Variants in ASIC2 observed in about 807,000 individuals in gnomAD.
ASIC2 encodes the protein acid sensing ion channel subunit 2.
A neutral mutation model predicts 57.3 loss-of-function variants in ASIC2; 25 were observed. That is an observed-to-expected ratio of 0.44 (90% CI 0.32 to 0.61). The LOEUF is 0.61. Ranked by LOEUF, ASIC2 falls within the 20% of genes least tolerant of loss-of-function variation. The probability of loss-of-function intolerance (pLI) is 0.06; values close to 1 mark genes in which losing one functional copy is unlikely to be tolerated. For missense variants in ASIC2, 641 were observed against 738.1 expected (o/e 0.87, Z 1.52); for synonymous variants, 319 against 307.5 (o/e 1.04, Z -0.39).
At chr17:33,425,973 G>T (rs975661608) in intron 1 of ASIC2, among the ~76,000 whole-genome samples, 1 of 152,158 alleles carries the variant, frequency 6.6e-6, no homozygotes, top group Non-Finnish European at 1.5e-5. Context: ...AGGGACTCTG[G>T]AGAGAGAGGG....
At chr17:33,493,559 C>G (rs1256568684) in intron 1 of ASIC2, among the ~76,000 whole-genome samples, 1 of 152,188 alleles carries the variant, frequency 6.6e-6, no homozygotes, top group African/African-American at 2.4e-5. Flanking sequence ...TTCAGTCAGT[C>G]AAGGTTCTCT....
chr17:33,604,127 C>G (rs1905171135), intron 1 of ASIC2, among the ~76,000 whole-genome samples: 1 of 152,112 alleles, frequency 6.6e-6, no homozygotes, highest in South Asian at 2.1e-4. Context: ...GAGGCTGTGT[C>G]AAGGAAATGG....
intron 1 of ASIC2, among the ~76,000 whole-genome samples, chr17:34,132,361 T>C (rs1478312427): frequency 1.3e-5 from 2 of 152,106 alleles, no homozygotes; most frequent in African/African-American, 4.8e-5. Flanking sequence ...TTCCACAGCG[T>C]GGAAGGACAG....
At chr17:33,321,129 T>C (rs1027396489) in intron 1 of ASIC2, among the ~76,000 whole-genome samples, 1 of 152,218 alleles carries the variant, frequency 6.6e-6, no homozygotes, top group Non-Finnish European at 1.5e-5. Context: ...AGCCACATGT[T>C]TCACTTTAGC....
rs1183823055 is a variant in ASIC2 at position 33,541,069 on chromosome 17, T to C, written c.556-429002A>G. Among the ~76,000 whole-genome samples, 6 of 147,784 alleles carry C rather than the reference T, an allele frequency of 4.1e-5. 1 individual carries two copies. Among genetic ancestry groups the C allele is most frequent in the African/African-American group, 1.6e-4 (6 of 37,298 alleles). ...TCTGACTGGGCATGTTGTTTTTTTT[T>C]CTTAGGGAAAAAAAATCAATGACTT... On this transcript the variant is annotated intron_variant, in intron 1 of 9. Transcript: ENST00000359872.
intron 1 of ASIC2, among the ~76,000 whole-genome samples, chr17:33,677,535 C>T (rs1907864460): frequency 6.6e-6 from 1 of 152,130 alleles, no homozygotes; most frequent in Non-Finnish European, 1.5e-5. Flanking sequence ...ATTCTAGATG[C>T]CATTAAGAAC....
chr17:33,773,215 C>CT (rs77451872), intron 1 of ASIC2, among the ~76,000 whole-genome samples: 38 of 148,734 alleles, frequency 2.6e-4, no homozygotes, highest in East Asian at 7.9e-4. Flanking sequence ...AATTCAACTA[C>CT]TTTTTTTTTT....
rs992256589 is a variant in ASIC2, at chr17:33,968,515, A to G, written c.555+187463T>C. 3.9e-5 allele frequency among the ~76,000 whole-genome samples: 6 copies of G among 152,328 alleles called. No homozygotes were observed. In the East Asian group the frequency reaches 1.2e-3, roughly 29 times the overall value. On this transcript the variant is annotated intron_variant, in intron 1 of 9. Coordinates refer to the ASIC2 transcript ENST00000359872. ...AACAGATTGCAGGAGCAATTAAACC[A>G]TCACATGGAAAGCCCAGAGAGATTG... is the stretch of plus-strand genomic sequence containing the variant.
intron 1 of ASIC2, among the ~76,000 whole-genome samples, chr17:33,837,167 C>T (rs1913299038): frequency 6.6e-6 from 1 of 152,148 alleles, no homozygotes; most frequent in Non-Finnish European, 1.5e-5. Flanking sequence ...AAGTTTTCGT[C>T]TCTCCTTAGG....
chr17:33,530,731 C>A (rs984445287), intron 1 of ASIC2, among the ~76,000 whole-genome samples: 2 of 152,158 alleles, frequency 1.3e-5, no homozygotes, highest in Non-Finnish European at 2.9e-5. Flanking sequence ...AGAGGTAGGC[C>A]AGCTTTGCCA....
intron 1 of ASIC2, among the ~76,000 whole-genome samples, chr17:33,495,047 C>T (rs1913883508): frequency 1.3e-5 from 2 of 152,190 alleles, no homozygotes; most frequent in Admixed American, 1.3e-4. Flanking sequence ...TTAAAGGTTT[C>T]TGGAGTGAGA....
intron 1 of ASIC2, among the ~76,000 whole-genome samples, chr17:34,019,198 C>A (rs546333496): frequency 1.3e-5 from 2 of 152,098 alleles, no homozygotes; most frequent in African/African-American, 4.8e-5. Flanking sequence ...TGAGCCACCA[C>A]GCCTGGCCAA....
chr17:33,971,743 A>G (rs1338231973), intron 1 of ASIC2, among the ~76,000 whole-genome samples: 1 of 152,192 alleles, frequency 6.6e-6, no homozygotes, highest in Non-Finnish European at 1.5e-5. Context: ...AGGCTTTGAT[A>G]AGATTATACA....
chr17:33,969,173 C>T (rs986866252), intron 1 of ASIC2, among the ~76,000 whole-genome samples: 1 of 152,180 alleles, frequency 6.6e-6, no homozygotes, highest in Non-Finnish European at 1.5e-5. Context: ...GCATAAGATG[C>T]ATTTGACTTT....
chr17:33,295,672 C>G (rs1033695629), upstream of ASIC2, among the ~76,000 whole-genome samples: 1 of 152,176 alleles, frequency 6.6e-6, no homozygotes, highest in Non-Finnish European at 1.5e-5. Context: ...ATATTTGTAT[C>G]CCTACCTCTT....
intron 1 of ASIC2, among the ~76,000 whole-genome samples, chr17:33,822,270 G>A (rs993135622): frequency 3.3e-5 from 5 of 152,128 alleles, no homozygotes; most frequent in Admixed American, 2.0e-4. Flanking sequence ...CAGTTCTCCC[G>A]GGAGTCCTGC....
At chr17:33,405,940 G>A (rs1249687858) in intron 1 of ASIC2, among the ~76,000 whole-genome samples, 1 of 152,130 alleles carries the variant, frequency 6.6e-6, no homozygotes. Context: ...GCCAGCCCGA[G>A]CCTGCGAGCA....
rs1448267815 is a variant in ASIC2 at position 33,170,650 on chromosome 17, A to C, written c.709-58583T>G. On this transcript the variant is annotated intron_variant, in intron 1 of 9. Transcript: ENST00000225823. The stretch of plus-strand genomic sequence containing the variant: ...AAGCCCTGTGCTTCCCAGACTTCAA[A>C]AACAAAAGGAAGGGCAAGAAGGGCT... Among the ~76,000 whole-genome samples, 6 of 152,298 alleles carry C rather than the reference A, an allele frequency of 3.9e-5. No homozygotes were observed. In the South Asian group the frequency reaches 1.0e-3, roughly 26 times the overall value.
At chr17:33,676,761 C>G (rs567341656) in intron 1 of ASIC2, among the ~76,000 whole-genome samples, 1 of 152,334 alleles carries the variant, frequency 6.6e-6, no homozygotes, top group African/African-American at 2.4e-5. Flanking sequence ...GAAAATCTAG[C>G]TAAGATAATT....
Sources: gnomAD v4.1 joint callset for allele counts (sites outside exome capture counted in the v4.1 genomes callset) on GRCh38, gnomAD v4.1.1 for gene constraint, MANE v1.5 for transcripts, NCBI Gene and HGNC (gene_info 2026-07-23, HGNC 2026-07-21) for gene names.